The following ROBO2 variants were observed in gnomAD, a reference collection of about 807,000 sequenced individuals.
The protein encoded by ROBO2 is roundabout homolog 2.
A neutral mutation model predicts 160.8 loss-of-function variants in ROBO2; 53 were observed. The ratio of observed to expected loss-of-function variants is 0.33; its 90% CI spans 0.26 to 0.41. ROBO2 has a LOEUF of 0.41. ROBO2 is among the 10% of genes least tolerant of loss of function. ROBO2 has a pLI of 1.00. For missense variants in ROBO2, 1,577 were observed against 1,722.4 expected, an observed-to-expected ratio of 0.92 and a Z score of 1.49; for synonymous variants, 664 against 611.7, an observed-to-expected ratio of 1.09 and a Z score of -1.26.
chr3:76,493,674 A>G (rs145657023), intron 2 of ROBO2, among the ~76,000 whole-genome samples: 2 of 152,038 alleles, frequency 1.3e-5, no homozygotes, highest in East Asian at 3.9e-4. Flanking sequence ...CTTTCCATTT[A>G]CTATCGATTT....
intron 2 of ROBO2, among the ~76,000 whole-genome samples, chr3:76,928,933 G>A (rs773607188): frequency 6.6e-6 from 1 of 152,076 alleles, no homozygotes; most frequent in Non-Finnish European, 1.5e-5. Context: ...GGGTTGCTCA[G>A]TACTCACAGA....
chr3:76,285,270 C>T (rs1249560622), intron 2 of ROBO2, among the ~76,000 whole-genome samples: 1 of 152,046 alleles, frequency 6.6e-6, no homozygotes, highest in Non-Finnish European at 1.5e-5. Flanking sequence ...TTTGATTATT[C>T]AGTTTCTTCA....
intron 2 of ROBO2, among the ~76,000 whole-genome samples, chr3:76,120,409 C>A (rs991515357): frequency 2.0e-5 from 3 of 152,150 alleles, no homozygotes; most frequent in Non-Finnish European, 4.4e-5. Flanking sequence ...CTTACTTACT[C>A]TACCATATAA....
At chr3:77,164,146 G>T (rs528367058) in intron 2 of ROBO2, among the ~76,000 whole-genome samples, 1 of 152,128 alleles carries the variant, frequency 6.6e-6, no homozygotes, top group East Asian at 1.9e-4. Context: ...CTAGGTAAAG[G>T]GTGCAATTTA....
intron 2 of ROBO2, among the ~76,000 whole-genome samples, chr3:77,136,007 G>A (rs1277132678): frequency 2.0e-5 from 3 of 152,154 alleles, no homozygotes; most frequent in African/African-American, 7.2e-5. Context: ...TATTGACTGG[G>A]TATCTGAAAG....
intron 2 of ROBO2, among the ~76,000 whole-genome samples, chr3:76,911,326 C>G (rs1417652892): frequency 6.6e-6 from 1 of 152,196 alleles, no homozygotes; most frequent in Non-Finnish European, 1.5e-5. Context: ...TCTAATGCTA[C>G]TTTGTATTTG....
chr3:76,915,120 GC>G (rs2076224322), intron 2 of ROBO2, among the ~76,000 whole-genome samples: 2 of 152,040 alleles, frequency 1.3e-5, no homozygotes, highest in African/African-American at 4.8e-5. Flanking sequence ...ACAGTTTGCT[GC>G]CTTATTTTTG....
intron 2 of ROBO2, among the ~76,000 whole-genome samples, chr3:76,789,351 C>T (rs963482548): frequency 6.6e-6 from 1 of 151,600 alleles, no homozygotes; most frequent in African/African-American, 2.4e-5. Context: ...TGCCATTATA[C>T]GAAGGAGCAG....
At chr3:77,528,022 T>G (rs1371521089) in intron 6 of ROBO2, among the ~76,000 whole-genome samples, 1 of 151,660 alleles carries the variant, frequency 6.6e-6, no homozygotes, top group Non-Finnish European at 1.5e-5. Context: ...TATATCTTAT[T>G]TTTCATTTGG....
At chr3:77,586,403 A>G (rs1277926590) in intron 16 of ROBO2, among the ~76,000 whole-genome samples, 2 of 152,140 alleles carry the variant, frequency 1.3e-5, no homozygotes, top group African/African-American at 2.4e-5. Context: ...AATAGGTACA[A>G]TCGAATCTGA....
At chr3:76,371,647 A>C (rs1040050743) in intron 2 of ROBO2, among the ~76,000 whole-genome samples, 1 of 151,984 alleles carries the variant, frequency 6.6e-6, no homozygotes, top group East Asian at 1.9e-4. Context: ...TTTCAAGTTG[A>C]TATTTTCAAA....
chr3:76,227,764 C>G (rs1238417650), intron 2 of ROBO2, among the ~76,000 whole-genome samples: 1 of 152,108 alleles, frequency 6.6e-6, no homozygotes, highest in East Asian at 1.9e-4. Context: ...ATCACCTACC[C>G]CACCCTAGAC....
intron 2 of ROBO2, among the ~76,000 whole-genome samples, chr3:76,986,582 A>G (rs1163729555): frequency 6.6e-6 from 1 of 152,162 alleles, no homozygotes; most frequent in African/African-American, 2.4e-5. Context: ...TAACTTAAGA[A>G]TATTACAATT....
At chr3:77,260,005 G>C (rs1401043205) in intron 2 of ROBO2, among the ~76,000 whole-genome samples, 1 of 152,088 alleles carries the variant, frequency 6.6e-6, no homozygotes, top group Non-Finnish European at 1.5e-5. Context: ...ACACGCTGAG[G>C]GTCAGGCCGT....
intron 2 of ROBO2, among the ~76,000 whole-genome samples, chr3:76,853,032 T>A (rs187448342): frequency 7.6e-4 from 116 of 152,216 alleles, no homozygotes; most frequent in African/African-American, 2.6e-3. Flanking sequence ...TTGGATTGGA[T>A]GTATGTTGTG....
chr3:77,539,773 G>C (rs2092370032), intron 6 of ROBO2, among the ~76,000 whole-genome samples: 1 of 152,146 alleles, frequency 6.6e-6, no homozygotes, highest in South Asian at 2.1e-4. Flanking sequence ...CAGACATATA[G>C]GCTGGGGAAA....
At chr3:76,818,941 C>G (rs1347546405) in intron 2 of ROBO2, among the ~76,000 whole-genome samples, 1 of 152,002 alleles carries the variant, frequency 6.6e-6, no homozygotes, top group Admixed American at 6.6e-5. Context: ...GCTATGTGGG[C>G]TCTTTTTTGG....
intron 2 of ROBO2, among the ~76,000 whole-genome samples, chr3:76,403,218 A>G (rs908408784): frequency 1.3e-5 from 2 of 151,574 alleles, no homozygotes; most frequent in Admixed American, 1.3e-4. Flanking sequence ...CATCAGATAG[A>G]AGGAGTATCT....
chr3:76,858,360 T>G (rs953371214), intron 2 of ROBO2, among the ~76,000 whole-genome samples: 5 of 152,224 alleles, frequency 3.3e-5, no homozygotes, highest in African/African-American at 1.2e-4. Flanking sequence ...CCTCTCAAGT[T>G]CAAGCAATTC....
Sources: allele counts gnomAD v4.1 joint callset (sites outside exome capture counted in the v4.1 genomes callset), GRCh38; gene constraint gnomAD v4.1.1; transcripts MANE v1.5; gene names NCBI Gene and HGNC (gene_info 2026-07-23, HGNC 2026-07-21).